GYPE: variants seen among roughly 807,000 people sequenced by gnomAD.
GYPE encodes the protein glycophorin E (MNS blood group), also known as glycophorin-E.
A neutral mutation model predicts 11.6 loss-of-function variants in GYPE; 8 were observed. That is an observed-to-expected ratio of 0.69 (90% CI 0.41 to 1.25). The LOEUF is 1.25. Among genes scored for constraint, GYPE ranks in the 50% most tolerant of loss-of-function variants. The probability of loss-of-function intolerance (pLI) is 0.01; values close to 1 mark genes in which losing one functional copy is unlikely to be tolerated. For synonymous variants in GYPE, 28 were observed against 29.6 expected, an observed-to-expected ratio of 0.94 and a Z score of 0.18; for missense variants, 90 against 92.8, an observed-to-expected ratio of 0.97 and a Z score of 0.12.
rs1245593516 is a variant in GYPE at position 143,880,263 on chromosome 4, G to C, written c.136+148C>G. 20 of 1,344,564 alleles carry C rather than the reference G, an allele frequency of 1.5e-5. No individual in the cohort carries two copies. In the African/African-American group the frequency reaches 2.9e-4, roughly 19 times the overall value. The allele number at this position is 1,344,564 out of a possible 1,614,324, so 83.3% of individuals were successfully genotyped here. ...AGAGGCAAGAATTCCTCTGTAGTAG[G>C]AATTGTGTCTACTTAGTAGGCTGTG... On this transcript the variant is annotated intron_variant, in intron 2 of 3. Coordinates refer to ENST00000358615, the MANE Select transcript of GYPE (RefSeq NM_198682.3).
intron 1 of GYPE, among the ~76,000 whole-genome samples, chr4:143,903,524 C>CAA (rs11400558): frequency 0.27 from 27,069 of 98,554 alleles, 3,774 homozygotes; most frequent in Admixed American, 0.33. Context: ...TTTTTCATAG[C>CAA]AAAAAAAAAA....
chr4:143,878,903 CAAAT>C (rs1743914443), intron 2 of GYPE, among the ~76,000 whole-genome samples: 2 of 152,014 alleles, frequency 1.3e-5, no homozygotes. Flanking sequence ...TCATGGATGA[CAAAT>C]AAGCAAATTG....
At chr4:143,889,481 C>G (rs13105448) in intron 1 of GYPE, among the ~76,000 whole-genome samples, 36,878 of 151,876 alleles carry the variant, frequency 0.24, 5,508 homozygotes, top group South Asian at 0.32. Context: ...AGTTTTCTGG[C>G]CTCTAAGATG....
Position 143,872,125 on chromosome 4 carries a change from A to G in GYPE, c.*137T>C, listed in dbSNP as rs1450706158. On this transcript the variant is annotated 3_prime_UTR_variant, in exon 4 of 4. Coordinates refer to ENST00000358615, the MANE Select transcript of GYPE (RefSeq NM_198682.3). ...TTTCTGACTCCTAGAGTCCCTTAGT[A>G]GCCAGTCAACGTAAGCCAAGTTAGT... 1.3e-5 allele frequency: 2 copies of G among 152,532 alleles called. No homozygotes were observed. Among genetic ancestry groups the G allele is most frequent in the African/African-American group, 4.8e-5 (2 of 41,404 alleles). 9.4% of individuals were successfully genotyped at this position (152,532 alleles called of 1,614,324 possible).
At chr4:143,893,679 T>A (rs10024712) in intron 1 of GYPE, among the ~76,000 whole-genome samples, 1 of 152,226 alleles carries the variant, frequency 6.6e-6, no homozygotes, top group Admixed American at 6.5e-5. Flanking sequence ...CCGAGAGATC[T>A]GCTCTTAGTC....
rs200002611 is a variant in GYPE, at chr4:143,899,865, T to TA, written c.37+5605dup. 3.1e-4 allele frequency among the ~76,000 whole-genome samples: 4 copies of TA among 12,772 alleles called. 1 individual carries two copies. Among genetic ancestry groups the TA allele is most frequent in the Non-Finnish European group, 0.033 (2 of 60 alleles). The allele number at this position is 12,772 out of a possible 152,430, so 8.4% of individuals were successfully genotyped here. The stretch of plus-strand genomic sequence containing the variant: ...ACTACAAAACTCTTAGAAGAAATCA[T>TA]AGGGAGAAATTTTTATGACTTTAAA... On this transcript the variant is annotated intron_variant, in intron 1 of 3. Transcript: ENST00000358615.
intron 1 of GYPE, among the ~76,000 whole-genome samples, chr4:143,900,635 T>G (rs577536166): frequency 6.6e-6 from 1 of 151,132 alleles, no homozygotes; most frequent in Admixed American, 6.6e-5. Flanking sequence ...ACCAACACAA[T>G]GGAATAACAT....
In GYPE at chr4:143,905,530, T is replaced by A; in HGVS notation, c.-23A>T. The A allele has an allele frequency of 6.2e-7, 1 of 1,613,120 alleles. No homozygotes were observed. Among genetic ancestry groups the A allele is most frequent in the Non-Finnish European group, 8.5e-7 (1 of 1,179,300 alleles). ...CATCCTGAGATCACGAGCTGGCTCC[T>A]GAAGTTAGTGCAAAAAAACTACCAA... On this transcript the variant is annotated 5_prime_UTR_variant, in exon 1 of 4. Transcript: ENST00000358615.
At chr4:143,874,162 T>G (rs1378689506) in intron 3 of GYPE, among the ~76,000 whole-genome samples, 1 of 152,166 alleles carries the variant, frequency 6.6e-6, no homozygotes, top group Non-Finnish European at 1.5e-5. Flanking sequence ...TTATTGTCTC[T>G]TTAAAAATGT....
At chr4:143,905,241 T>G (rs1420501537) in intron 1 of GYPE, among the ~76,000 whole-genome samples, 1 of 152,220 alleles carries the variant, frequency 6.6e-6, no homozygotes, top group Non-Finnish European at 1.5e-5. Context: ...AGAATTGAAG[T>G]AAGCTTCTCA....
At chr4:143,875,314 A>G in intron 3 of GYPE, 1 of 712,850 alleles carries the variant, frequency 1.4e-6, no homozygotes, top group Non-Finnish European at 2.3e-6. Flanking sequence ...CTACATGCAA[A>G]TAATTTGTAT....
At chr4:143,875,408 A>G in intron 3 of GYPE, 1 of 1,528,180 alleles carries the variant, frequency 6.5e-7, no homozygotes, top group Non-Finnish European at 8.9e-7. Flanking sequence ...TTGGGGCATA[A>G]GCAAAGGAAT....
intron 1 of GYPE, among the ~76,000 whole-genome samples, chr4:143,893,904 GT>G (rs1744514821): frequency 1.3e-5 from 2 of 152,148 alleles, no homozygotes; most frequent in Admixed American, 1.3e-4. Context: ...CCTGCAGAGT[GT>G]TTTCCAACTT....
chr4:143,875,315 T>A, intron 3 of GYPE: 1 of 712,194 alleles, frequency 1.4e-6, no homozygotes, highest in Admixed American at 2.8e-5. Flanking sequence ...TACATGCAAA[T>A]AATTTGTATT....
intron 1 of GYPE, among the ~76,000 whole-genome samples, chr4:143,881,177 C>T (rs1001554185): frequency 2.3e-4 from 33 of 143,938 alleles, no homozygotes; most frequent in East Asian, 7.3e-4. Context: ...GGTGACAGAA[C>T]GAGACTCCGT....
At chr4:143,895,957 T>G (rs1372935132) in intron 1 of GYPE, among the ~76,000 whole-genome samples, 1 of 151,954 alleles carries the variant, frequency 6.6e-6, no homozygotes, top group African/African-American at 2.4e-5. Flanking sequence ...TAGCCATATG[T>G]AGAAAGCTGA....
Position 143,905,490 on chromosome 4 carries a change from G to T in GYPE, c.18C>A (p.Ile6=). 1 of 1,613,192 alleles carries T rather than the reference G, an allele frequency of 6.2e-7. No individual in the cohort carries two copies. Among genetic ancestry groups the T allele is most frequent in the Non-Finnish European group, 8.5e-7 (1 of 1,179,312 alleles). MYGKI[I]FVLLLSGIVS... is the part of the protein sequence containing the mutation. ...ACTTACCTGACAATAGTAATACAAA[G>T]ATTATTTTTCCATACATCCTGAGAT... The change falls in exon 1 of 4, where the codon ATC becomes ATA. Residue 6 remains isoleucine (I), a synonymous_variant. Coordinates refer to ENST00000358615, the MANE Select transcript of GYPE (RefSeq NM_198682.3).
chr4:143,873,451 C>A (rs1285671958), intron 3 of GYPE: 1 of 455,712 alleles, frequency 2.2e-6, no homozygotes, highest in African/African-American at 2.0e-5. Context: ...TTTGTCAGAG[C>A]AAATTATGTT....
chr4:143,902,614 T>A (rs1744909912), intron 1 of GYPE, among the ~76,000 whole-genome samples: 1 of 151,948 alleles, frequency 6.6e-6, no homozygotes, highest in African/African-American at 2.4e-5. Flanking sequence ...CTTTTCCTTC[T>A]TCCTTTCTCT....
Sources: gnomAD v4.1 joint callset for allele counts (sites outside exome capture counted in the v4.1 genomes callset) on GRCh38, gnomAD v4.1.1 for gene constraint, MANE v1.5 for transcripts, NCBI Gene and HGNC (gene_info 2026-07-23, HGNC 2026-07-21) for gene names.